EPHX4: variants seen among roughly 807,000 people sequenced by gnomAD.
The protein encoded by EPHX4 is epoxide hydrolase 4.
EPHX4 carries 31 observed loss-of-function variants against 44.9 expected under a neutral mutation model. The observed-to-expected ratio is 0.69, with a 90% CI of 0.52 to 0.93. The LOEUF is 0.93. EPHX4 is among the 40% of genes least tolerant of loss of function. EPHX4 has a pLI of 0.00. For missense variants in EPHX4, 373 were observed against 438.1 expected (o/e 0.85, Z 1.33); for synonymous variants, 151 against 159.7 (o/e 0.95, Z 0.41).
intron 6 of EPHX4, among the ~76,000 whole-genome samples, chr1:92,058,286 A>G (rs1450418443): frequency 6.6e-6 from 1 of 152,000 alleles, no homozygotes; most frequent in Admixed American, 6.6e-5. Flanking sequence ...TGCTAAAAAT[A>G]CAAAATTGGC....
intron 2 of EPHX4, among the ~76,000 whole-genome samples, chr1:92,034,046 A>C (rs935095979): frequency 2.2e-5 from 3 of 133,590 alleles, no homozygotes; most frequent in Admixed American, 8.4e-5. Context: ...GAGGTGGTAC[A>C]TATCAGGAGG....
intron 4 of EPHX4, among the ~76,000 whole-genome samples, chr1:92,048,810 G>A (rs770523213): frequency 5.1e-4 from 78 of 151,936 alleles, no homozygotes; most frequent in Non-Finnish European, 9.0e-4. Flanking sequence ...TGACCTCAAG[G>A]CTGGGCTCAA....
chr1:92,034,322 G>A (rs1251402572), intron 2 of EPHX4, among the ~76,000 whole-genome samples: 3 of 149,266 alleles, frequency 2.0e-5, no homozygotes, highest in Non-Finnish European at 4.4e-5. Flanking sequence ...AAAAAAAAAG[G>A]GTGGTACATA....
rs754785950 is a variant in EPHX4, at chr1:92,030,212, A to G, written c.133A>G (p.Lys45Glu). 7 of 1,606,972 alleles carry G rather than the reference A, an allele frequency of 4.4e-6. No homozygotes were observed. In the East Asian group the frequency reaches 1.6e-4, roughly 36 times the overall value. ...HLLKLLWSLG[K>E]GPAQTFRRPA... ...GCTCAAACTTTTGTGGAGCCTCGGC[A>G]AGGGGCCGGCGCAGACCTTCCGGCG... is the stretch of plus-strand genomic sequence containing the variant. Residue 45 changes from lysine to glutamate, a missense_variant, in exon 1 of 7, where the codon AAG becomes GAG. Transcript: ENST00000370383.
intron 2 of EPHX4, among the ~76,000 whole-genome samples, chr1:92,034,299 C>CAAAAAAAA (rs765695521): frequency 1.9e-5 from 1 of 52,748 alleles, no homozygotes; most frequent in Admixed American, 2.2e-4. Context: ...GATTCCGTCT[C>CAAAAAAAA]AAAAAAAAAA....
At chr1:92,032,466 A>G in intron 1 of EPHX4, 39 bp from the exon 2 acceptor site, 1 of 1,476,860 alleles carries the variant, frequency 6.8e-7, no homozygotes, top group South Asian at 1.1e-5. Context: ...TTGTCAATCA[A>G]CACAAACATC....
intron 2 of EPHX4, 94 bp downstream of exon 2, chr1:92,032,684 G>A (rs1557880782): frequency 1.7e-5 from 18 of 1,069,476 alleles, no homozygotes; most frequent in Non-Finnish European, 2.0e-5. Context: ...CACAGTCTGG[G>A]TAACTTAAAA....
At chr1:92,044,370 ATAAT>A (rs1688554078) in intron 3 of EPHX4, among the ~76,000 whole-genome samples, 1 of 152,224 alleles carries the variant, frequency 6.6e-6, no homozygotes, top group African/African-American at 2.4e-5. Context: ...TTTTAGGCAA[ATAAT>A]TAATATAAAC....
intron 2 of EPHX4, among the ~76,000 whole-genome samples, chr1:92,033,997 CTTT>C (rs36075635): frequency 2.7e-5 from 3 of 109,152 alleles, no homozygotes; most frequent in Admixed American, 1.1e-4. Flanking sequence ...CATGTTTAAA[CTTT>C]TTTTTTTTTT....
chr1:92,032,706 G>T lies in EPHX4; in HGVS notation c.317+116G>T, dbSNP rs1332308197. On this transcript the variant is annotated intron_variant, in intron 2 of 6. Transcript: ENST00000370383. ...TGGGTAACTTAAAATGAACATAAAT[G>T]ATTTTCTCAGAGTTCTGGAGGCTGG... 3 of 897,850 alleles carry T rather than the reference G, an allele frequency of 3.3e-6. No homozygotes were observed. The East Asian group carries it at 7.8e-5, about 23-fold the overall frequency. 55.6% of individuals were successfully genotyped at this position (897,850 alleles called of 1,614,324 possible). A position where few individuals can be genotyped will look rare whatever the true frequency, so the allele number is the denominator to read the frequency against.
intron 3 of EPHX4, among the ~76,000 whole-genome samples, chr1:92,045,062 A>G (rs1033079851): frequency 2.6e-5 from 4 of 152,094 alleles, no homozygotes; most frequent in Admixed American, 2.0e-4. Context: ...TCCTGGGCTC[A>G]AGGGATCCTC....
At chr1:92,035,560 G>C (rs572761920) in intron 2 of EPHX4, among the ~76,000 whole-genome samples, 1 of 152,236 alleles carries the variant, frequency 6.6e-6, no homozygotes, top group South Asian at 2.1e-4. Context: ...CCTAACTCTG[G>C]TGATGATAGT....
In EPHX4 at chr1:92,032,573, T is replaced by A; in HGVS notation, c.300T>A (p.His100Gln). ...GCAAACCACTTATGCTGCTGCTTCA[T>A]GGATTTCCAGAATTCTGGTAAGCTT... ...ERGKPLMLLLHGFPEFWYSWR... is the reference protein window; with the variant it reads ...ERGKPLMLLLQGFPEFWYSWR... The change falls in exon 2 of 7, where the codon CAT becomes CAA. Residue 100 changes from histidine to glutamine, a missense_variant. Coordinates refer to ENST00000370383, the MANE Select transcript of EPHX4 (RefSeq NM_173567.5). The A allele has an allele frequency of 6.2e-7, 1 of 1,614,052 alleles. No individual in the cohort carries two copies. The highest frequency in any genetic ancestry group is 8.5e-7 in the Non-Finnish European group (1 of 1,179,926).
chr1:92,051,231 TG>T (rs1308239089), intron 5 of EPHX4, among the ~76,000 whole-genome samples: 8 of 151,574 alleles, frequency 5.3e-5, no homozygotes, highest in Admixed American at 2.6e-4. Context: ...TGTATAACTG[TG>T]ATGGGATAAG....
chr1:92,037,250 T>A (rs1688452096), intron 2 of EPHX4, among the ~76,000 whole-genome samples: 2 of 152,246 alleles, frequency 1.3e-5, no homozygotes, highest in Admixed American at 1.3e-4. Context: ...AAGTGCTTTG[T>A]AAACAGAAAA....
chr1:92,034,226 G>A (rs1688403720), intron 2 of EPHX4, among the ~76,000 whole-genome samples: 1 of 148,788 alleles, frequency 6.7e-6, no homozygotes, highest in Non-Finnish European at 1.5e-5. Context: ...TGTGAACCCA[G>A]GAGGCGGAGC....
chr1:92,045,021 G>A (rs1343117069), intron 3 of EPHX4, among the ~76,000 whole-genome samples: 2 of 152,026 alleles, frequency 1.3e-5, no homozygotes, highest in African/African-American at 4.8e-5. Context: ...GGAATGCAGT[G>A]GCATGATCAT....
In EPHX4 at chr1:92,030,230, T is replaced by A. The variant is rs910489270; in HGVS notation, c.151T>A (p.Phe51Ile). Residue 51 changes from phenylalanine to isoleucine, a missense_variant, in exon 1 of 7, where the codon TTC (phenylalanine) becomes ATC (isoleucine). Phe to Ile is a conservative substitution (Grantham distance 21). Transcript: ENST00000370383. ...CCTCGGCAAGGGGCCGGCGCAGACC[T>A]TCCGGCGGCCCGCCCGGGAGCACCC... ...WSLGKGPAQTFRRPAREHPPA... is the reference protein window; with the variant it reads ...WSLGKGPAQTIRRPAREHPPA... 1.6e-5 allele frequency: 26 copies of A among 1,604,330 alleles called. No homozygotes were observed. Among genetic ancestry groups the A allele is most frequent in the Non-Finnish European group, 2.2e-5 (26 of 1,175,730 alleles).
intron 1 of EPHX4, among the ~76,000 whole-genome samples, chr1:92,030,672 C>T (rs754903177): frequency 1.3e-5 from 2 of 152,044 alleles, no homozygotes; most frequent in Non-Finnish European, 2.9e-5. Context: ...TCCTGTCACC[C>T]TTTTGCCCTT....
Sources: gnomAD v4.1 joint callset for allele counts (sites outside exome capture counted in the v4.1 genomes callset) on GRCh38, gnomAD v4.1.1 for gene constraint, MANE v1.5 for transcripts, NCBI Gene and HGNC (gene_info 2026-07-23, HGNC 2026-07-21) for gene names.